The following KIAA0825 variants were observed in gnomAD, a reference collection of about 807,000 sequenced individuals.
KIAA0825 encodes the protein KIAA0825, also known as uncharacterized protein KIAA0825.
KIAA0825 carries 119 observed loss-of-function variants against 147.6 expected under a neutral mutation model. That is an observed-to-expected ratio of 0.81 (90% confidence interval 0.69 to 0.94). The LOEUF is 0.94. Ranked by LOEUF, KIAA0825 falls within the 40% of genes least tolerant of loss-of-function variation. The pLI, the probability that KIAA0825 is intolerant of heterozygous loss-of-function variation, is 0.00. For missense variants in KIAA0825, 1,381 were observed against 1,472.7 expected, an observed-to-expected ratio of 0.94 and a Z score of 1.02; for synonymous variants, 470 against 518.1, an observed-to-expected ratio of 0.91 and a Z score of 1.26.
chr5:94,611,126 A>G (rs1332507832), intron 1 of KIAA0825, among the ~76,000 whole-genome samples: 2 of 152,146 alleles, frequency 1.3e-5, no homozygotes, highest in South Asian at 2.1e-4. Flanking sequence ...AAGCACTATC[A>G]TATCACCCAA....
intron 1 of KIAA0825, among the ~76,000 whole-genome samples, chr5:94,591,007 C>T (rs1168033411): frequency 6.6e-6 from 1 of 152,194 alleles, no homozygotes; most frequent in South Asian, 2.1e-4. Flanking sequence ...ATTATGTGAA[C>T]AAAATTTCTG....
intron 1 of KIAA0825, among the ~76,000 whole-genome samples, chr5:94,587,853 T>C (rs970559410): frequency 3.3e-5 from 5 of 151,764 alleles, no homozygotes; most frequent in African/African-American, 1.2e-4. Flanking sequence ...CAGATATAGA[T>C]CAATGGAATA....
At chr5:94,455,589 G>A (rs1294243462) in intron 12 of KIAA0825, among the ~76,000 whole-genome samples, 1 of 152,098 alleles carries the variant, frequency 6.6e-6, no homozygotes, top group East Asian at 1.9e-4. Flanking sequence ...TAGAAAGGAT[G>A]TTTAAAAGGC....
intron 20 of KIAA0825, among the ~76,000 whole-genome samples, chr5:94,306,604 A>C (rs1164477873): frequency 6.6e-6 from 1 of 151,844 alleles, no homozygotes; most frequent in Non-Finnish European, 1.5e-5. Context: ...CTAAGCCCTC[A>C]GTTAAACTTG....
chr5:94,385,019 T>C (rs1024534072), intron 19 of KIAA0825, among the ~76,000 whole-genome samples: 1 of 152,088 alleles, frequency 6.6e-6, no homozygotes, highest in Non-Finnish European at 1.5e-5. Flanking sequence ...TTAATAGAAA[T>C]TTCACAACAG....
intron 6 of KIAA0825, among the ~76,000 whole-genome samples, chr5:94,480,052 C>A (rs7714131): frequency 0.088 from 13,366 of 151,954 alleles, 1,275 homozygotes; most frequent in African/African-American, 0.24. Context: ...CATCCTCTTT[C>A]TGATCATGCC....
chr5:94,218,496 G>T (rs560597817), intron 20 of KIAA0825, among the ~76,000 whole-genome samples: 3 of 152,328 alleles, frequency 2.0e-5, no homozygotes, highest in South Asian at 4.1e-4. Flanking sequence ...TGAGGGCAAA[G>T]AATGTGTATA....
intron 6 of KIAA0825, among the ~76,000 whole-genome samples, chr5:94,479,212 G>GTCCATGC: frequency 6.6e-6 from 1 of 152,144 alleles, no homozygotes; most frequent in African/African-American, 2.4e-5. Flanking sequence ...ACAGAATAGT[G>GTCCATGC]TCCATGCTTT....
chr5:94,195,993 C>T (rs1022832063), intron 20 of KIAA0825, among the ~76,000 whole-genome samples: 1 of 152,158 alleles, frequency 6.6e-6, no homozygotes, highest in African/African-American at 2.4e-5. Context: ...ACCTGCATCT[C>T]TGCAGGAGGG....
chr5:94,475,458 A>C (rs527975553), intron 7 of KIAA0825, among the ~76,000 whole-genome samples: 40 of 152,324 alleles, frequency 2.6e-4, no homozygotes, highest in African/African-American at 8.9e-4. Flanking sequence ...ATGTTGGCCT[A>C]TCTGAATTCT....
chr5:94,198,696 GGCACATGTACACCTATGTGCCTAGA>G (rs1176145581), intron 20 of KIAA0825, among the ~76,000 whole-genome samples: 2 of 152,158 alleles, frequency 1.3e-5, no homozygotes, highest in Non-Finnish European at 2.9e-5. Flanking sequence ...AGCAAACCAT[GGCACATGTACACCTATGTGCCTAGA>G]TAACCAACCG....
intron 2 of KIAA0825, among the ~76,000 whole-genome samples, chr5:94,562,801 T>G (rs1362500366): frequency 6.6e-6 from 1 of 152,194 alleles, no homozygotes; most frequent in Non-Finnish European, 1.5e-5. Context: ...TACTAACAGA[T>G]GAATCACATA....
rs527312930 is a variant in KIAA0825, at chr5:94,465,457, G to A, written c.1873-398C>T. On this transcript the variant is annotated intron_variant, in intron 10 of 20. Transcript: ENST00000682413. ...AATTTCAGTAGGTATATTTTTCTGA[G>A]CCTATTAGCATCATTAAGGTAATTT... Among the ~76,000 whole-genome samples the A allele has an allele frequency of 1.6e-4, 25 of 152,256 alleles. 2 individuals carry two copies. The South Asian group carries it at 5.2e-3, about 32-fold the overall frequency.
chr5:94,337,717 T>G (rs1298628875), intron 20 of KIAA0825, among the ~76,000 whole-genome samples: 1 of 152,026 alleles, frequency 6.6e-6, no homozygotes, highest in Admixed American at 6.6e-5. Context: ...TTTCCAGAAC[T>G]GAAAGAAGGC....
chr5:94,312,246 A>C (rs1779255385), intron 20 of KIAA0825, among the ~76,000 whole-genome samples: 1 of 151,392 alleles, frequency 6.6e-6, no homozygotes, highest in South Asian at 2.1e-4. Context: ...TGTGCATAAA[A>C]TGTTTGTTAC....
intron 20 of KIAA0825, among the ~76,000 whole-genome samples, chr5:94,163,949 A>G (rs547085353): frequency 2.1e-4 from 32 of 152,306 alleles, no homozygotes; most frequent in Admixed American, 1.9e-3. Flanking sequence ...AAGGCCTTAA[A>G]AATTACTTGT....
At chr5:94,236,380 G>A (rs1366197040) in intron 20 of KIAA0825, among the ~76,000 whole-genome samples, 1 of 152,236 alleles carries the variant, frequency 6.6e-6, no homozygotes, top group Non-Finnish European at 1.5e-5. Context: ...GCCTGAAGGT[G>A]TGAGTGAATT....
intron 5 of KIAA0825, among the ~76,000 whole-genome samples, chr5:94,504,746 C>CT (rs564291886): frequency 0.013 from 1,565 of 122,902 alleles, 11 homozygotes; most frequent in African/African-American, 0.023. Flanking sequence ...TTTTTCTTTT[C>CT]TTTTTTTTTT....
chr5:94,154,112 C>T lies in KIAA0825; in HGVS notation c.3723G>A (p.Lys1241=), dbSNP rs1283313271. Residue 1241 remains lysine, a synonymous_variant, in exon 21 of 21, where the codon AAG becomes AAA. Coordinates refer to ENST00000682413, the MANE Select transcript of KIAA0825 (RefSeq NM_001145678.3). ...SVLLKNRWEM[K]KDETLEEEEK... is the part of the protein sequence containing the mutation. Reference sequence around the variant, plus strand: ...CTTCCTCTTCTAGTGTTTCATCCTTCTTCATTTCCCACCTAAAAGAAAAAT... The same window carrying T: ...CTTCCTCTTCTAGTGTTTCATCCTTTTTCATTTCCCACCTAAAAGAAAAAT... The T allele has an allele frequency of 2.6e-6, 4 of 1,549,554 alleles. No homozygotes were observed. Among genetic ancestry groups the T allele is most frequent in the Non-Finnish European group, 1.7e-6 (2 of 1,145,208 alleles).
Sources: allele counts gnomAD v4.1 joint callset (sites outside exome capture counted in the v4.1 genomes callset), GRCh38; gene constraint gnomAD v4.1.1; transcripts MANE v1.5; gene names NCBI Gene and HGNC (gene_info 2026-07-23, HGNC 2026-07-21).